The following GALNTL5 variants were observed in gnomAD, a reference collection of about 807,000 sequenced individuals.
GALNTL5 encodes the protein inactive polypeptide N-acetylgalactosaminyltransferase-like protein 5.
GALNTL5 carries 44 observed loss-of-function variants against 51.0 expected under a neutral mutation model. The observed-to-expected ratio is 0.86, with a 90% CI of 0.68 to 1.11. The LOEUF (loss-of-function observed/expected upper bound fraction) is 1.11. GALNTL5 is among the 50% of genes least tolerant of loss of function. The probability of loss-of-function intolerance (pLI) is 0.00; values close to 1 mark genes in which losing one functional copy is unlikely to be tolerated. For synonymous variants in GALNTL5, 192 were observed against 182.8 expected (o/e 1.05, Z -0.41); for missense variants, 528 against 531.8 (o/e 0.99, Z 0.07).
chr7:151,989,264 C>T (rs892229378), intron 5 of GALNTL5, among the ~76,000 whole-genome samples: 1 of 151,872 alleles, frequency 6.6e-6, no homozygotes, highest in Non-Finnish European at 1.5e-5. Context: ...ATTCTCCTGC[C>T]TCAGCCTCCC....
intron 8 of GALNTL5, 36 bp from the exon 9 acceptor site, chr7:152,019,610 G>A (rs374003385): frequency 6.3e-7 from 1 of 1,582,004 alleles, no homozygotes; most frequent in African/African-American, 1.4e-5. Flanking sequence ...GATTTGTTTG[G>A]TTGAACGTAA....
At chr7:151,987,388 C>A in intron 5 of GALNTL5, 107 bp downstream of exon 5, 1 of 970,514 alleles carries the variant, frequency 1.0e-6, no homozygotes, top group Non-Finnish European at 1.5e-6. Flanking sequence ...TCTGCTTCAT[C>A]AGAAGAGTGG....
intron 5 of GALNTL5, among the ~76,000 whole-genome samples, chr7:151,992,786 AT>A (rs910737152): frequency 2.0e-5 from 3 of 151,894 alleles, no homozygotes; most frequent in African/African-American, 7.3e-5. Flanking sequence ...GGGGAGTCTT[AT>A]TTTTTTTATT....
At chr7:151,981,649 TCTCC>T (rs1186906780) in intron 3 of GALNTL5, among the ~76,000 whole-genome samples, 6 of 136,752 alleles carry the variant, frequency 4.4e-5, no homozygotes, top group East Asian at 2.3e-4. Context: ...TCTCTCTCTC[TCTCC>T]CTCCCTCCCT....
At chr7:151,956,709 C>G (rs1347454901) in intron 1 of GALNTL5, 100 bp downstream of exon 1, 1 of 152,092 alleles carries the variant, frequency 6.6e-6, no homozygotes, top group African/African-American at 2.4e-5. Flanking sequence ...ATCACTGCGT[C>G]TTGAAGGAGG....
At chr7:151,969,323 G>A (rs966889354) in intron 2 of GALNTL5, among the ~76,000 whole-genome samples, 4 of 152,172 alleles carry the variant, frequency 2.6e-5, no homozygotes, top group Non-Finnish European at 5.9e-5. Context: ...TTAAGGCCAT[G>A]ATCTATTTCG....
At chr7:152,000,739 T>C (rs2081565740) in intron 5 of GALNTL5, among the ~76,000 whole-genome samples, 1 of 152,160 alleles carries the variant, frequency 6.6e-6, no homozygotes, top group Non-Finnish European at 1.5e-5. Context: ...TCTATTCAAA[T>C]CTCTTGCGCA....
At chr7:151,988,992 G>A (rs533813217) in intron 5 of GALNTL5, among the ~76,000 whole-genome samples, 4 of 151,894 alleles carry the variant, frequency 2.6e-5, no homozygotes, top group Admixed American at 6.6e-5. Flanking sequence ...GAGCCACCAC[G>A]ACTGGCCTGG....
At chr7:151,958,798 A>G (rs1369317805) in intron 1 of GALNTL5, among the ~76,000 whole-genome samples, 2 of 152,214 alleles carry the variant, frequency 1.3e-5, no homozygotes, top group African/African-American at 4.8e-5. Context: ...GGTTACACAG[A>G]CACTGGAGAG....
chr7:151,978,894 T>A (rs1350469962), intron 3 of GALNTL5, among the ~76,000 whole-genome samples: 1 of 152,138 alleles, frequency 6.6e-6, no homozygotes, highest in Non-Finnish European at 1.5e-5. Context: ...TAATTATCTC[T>A]ACAACAGCTC....
At chr7:152,012,668 C>T (rs190545355) in intron 7 of GALNTL5, among the ~76,000 whole-genome samples, 154 of 152,290 alleles carry the variant, frequency 1.0e-3, no homozygotes, top group African/African-American at 3.4e-3. Flanking sequence ...CCCAGATGCC[C>T]ATCAACAGCG....
intron 3 of GALNTL5, 170 bp from the exon 4 acceptor site, chr7:151,982,816 G>A: frequency 1.4e-6 from 2 of 1,390,108 alleles, no homozygotes; most frequent in Non-Finnish European, 2.0e-6. Flanking sequence ...AACATAAGAA[G>A]TTAAATAAAT....
intron 5 of GALNTL5, among the ~76,000 whole-genome samples, chr7:151,998,791 C>A (rs78101343): frequency 0.13 from 17,756 of 133,478 alleles, 1,876 homozygotes; most frequent in East Asian, 0.34. Context: ...AAACAAAAAA[C>A]AAAACTACTC....
rs761732434 is a variant in GALNTL5 at position 152,002,812 on chromosome 7, T to C, written c.757T>C (p.Cys253Arg). The change falls in exon 6 of 9, where the codon TGC (cysteine) becomes CGC (arginine). Residue 253 changes from cysteine (C) to arginine (R), a missense_variant. By Grantham distance (180) the Cys-to-Arg change is radical. Coordinates refer to ENST00000392800, the MANE Select transcript of GALNTL5 (RefSeq NM_145292.4). The stretch of plus-strand genomic sequence containing the variant: ...TGCCAAGGACCCCAAAATGGTGGTG[T>C]GCCCCCTGATAGATGTCATTGATGA... ...AIAKDPKMVV[C>R]PLIDVIDDRT... 6.8e-6 allele frequency: 11 copies of C among 1,614,042 alleles called. No homozygotes were observed. In the African/African-American group the frequency reaches 1.2e-4, roughly 18 times the overall value.
At chr7:151,968,306 A>C (rs1306344845) in intron 2 of GALNTL5, among the ~76,000 whole-genome samples, 1 of 152,214 alleles carries the variant, frequency 6.6e-6, no homozygotes, top group Non-Finnish European at 1.5e-5. Flanking sequence ...CTCAAAAAAA[A>C]ATAAATAAAT....
chr7:151,978,400 G>A (rs573507343), intron 3 of GALNTL5, among the ~76,000 whole-genome samples: 25 of 152,212 alleles, frequency 1.6e-4, no homozygotes, highest in African/African-American at 6.0e-4. Context: ...CCTGTGCCTG[G>A]TGGACTATTT....
intron 2 of GALNTL5, 143 bp from the exon 3 acceptor site, chr7:151,970,802 A>G (rs775069064): frequency 8.5e-6 from 5 of 586,944 alleles, no homozygotes; most frequent in Non-Finnish European, 1.4e-5. Context: ...GCCAAGAATT[A>G]TTTGACCATT....
chr7:152,004,751 G>A (rs1457521939), intron 6 of GALNTL5, among the ~76,000 whole-genome samples: 1 of 152,216 alleles, frequency 6.6e-6, no homozygotes, highest in East Asian at 1.9e-4. Context: ...ATGGCCTCCA[G>A]TTCCATCCAT....
At position 152,008,439 on chromosome 7, in the gene GALNTL5, T is replaced by C. The variant is rs191985456; in HGVS notation, c.1026+495T>C. On this transcript the variant is annotated intron_variant, in intron 7 of 8. Coordinates refer to ENST00000392800, the MANE Select transcript of GALNTL5 (RefSeq NM_145292.4). Reference sequence around the variant, plus strand: ...TTAAAAATATTTGGTTCTTATACCATATGTTTTGTTATTTCTGATGTATGG... The same window carrying C: ...TTAAAAATATTTGGTTCTTATACCACATGTTTTGTTATTTCTGATGTATGG... Among the ~76,000 whole-genome samples, 9 of 151,938 alleles carry C rather than the reference T, an allele frequency of 5.9e-5. No homozygotes were observed. The East Asian group carries it at 1.7e-3, about 30-fold the overall frequency.
Sources: gnomAD v4.1 joint callset for allele counts (sites outside exome capture counted in the v4.1 genomes callset) on GRCh38, gnomAD v4.1.1 for gene constraint, MANE v1.5 for transcripts, NCBI Gene and HGNC (gene_info 2026-07-23, HGNC 2026-07-21) for gene names.